Variants in UBAP2L observed in about 807,000 individuals in gnomAD.
UBAP2L encodes ubiquitin associated protein 2 like.
UBAP2L carries 12 observed loss-of-function variants against 130.6 expected under a neutral mutation model. That is an observed-to-expected ratio of 0.09 (90% confidence interval 0.06 to 0.15). UBAP2L has a LOEUF of 0.15. Ranked by LOEUF, UBAP2L falls within the 10% of genes least tolerant of loss-of-function variation. The pLI is 1.00. For missense variants in UBAP2L, 965 were observed against 1,332.5 expected (o/e 0.72, Z 4.29); for synonymous variants, 503 against 524.7 (o/e 0.96, Z 0.57).
At chr1:154,264,946 G>A (rs1222436260) in intron 24 of UBAP2L, among the ~76,000 whole-genome samples, 1 of 152,080 alleles carries the variant, frequency 6.6e-6, no homozygotes, top group African/African-American at 2.4e-5. Context: ...TTTGCCAGAT[G>A]GGCACCTCGG....
At chr1:154,246,535 G>GAC (rs1558173268) in intron 11 of UBAP2L, among the ~76,000 whole-genome samples, 160 bp downstream of exon 11, 7 of 152,102 alleles carry the variant, frequency 4.6e-5, no homozygotes, top group Non-Finnish European at 1.0e-4. Context: ...GGGTAATAGG[G>GAC]GGTAGCTCTA....
At chr1:154,230,459 G>A (rs1669483527) in intron 4 of UBAP2L, among the ~76,000 whole-genome samples, 1 of 152,098 alleles carries the variant, frequency 6.6e-6, no homozygotes. Context: ...GTGTTATCCT[G>A]GATTAAATTT....
chr1:154,255,159 A>T lies in UBAP2L; in HGVS notation c.1917A>T (p.Thr639=), dbSNP rs1384857855. The change falls in exon 17 of 27, where the codon ACA becomes ACT. Residue 639 remains threonine, a synonymous_variant. Transcript: ENST00000428931. ...LQTTQSVEGA[T]GSAVKSDSPS... ...TTTCTTCTAAATTTCTAGGTGCTAC[A>T]GGCTCTGCAGTGAAATCTGATTCAC... 3 of 1,613,972 alleles carry T rather than the reference A, an allele frequency of 1.9e-6. No individual in the cohort carries two copies. Among genetic ancestry groups the T allele is most frequent in the Non-Finnish European group, 1.7e-6 (2 of 1,179,916 alleles).
intron 4 of UBAP2L, among the ~76,000 whole-genome samples, chr1:154,230,441 C>T (rs1161257482): frequency 6.6e-6 from 1 of 152,112 alleles, no homozygotes; most frequent in African/African-American, 2.4e-5. Flanking sequence ...TGGGTTTTTT[C>T]TTCAAAAGTG....
At chr1:154,235,324 G>A (rs779781450) in intron 6 of UBAP2L, 33 bp downstream of exon 6, 8 of 733,624 alleles carry the variant, frequency 1.1e-5, no homozygotes, top group Non-Finnish European at 1.5e-5. Flanking sequence ...GATATTGGGG[G>A]CAGGTTACTC....
chr1:154,220,479 A>T, upstream of UBAP2L: 1 of 1,575,376 alleles, frequency 6.3e-7, no homozygotes, highest in Non-Finnish European at 8.7e-7. Flanking sequence ...GGCTCCGCCG[A>T]AGCGACGGCG....
chr1:154,255,161 G>A lies in UBAP2L; in HGVS notation c.1919G>A (p.Gly640Asp). The change falls in exon 17 of 27, where the codon GGC (glycine) becomes GAC (aspartate). Residue 640 changes from glycine to aspartate, a missense_variant. By Grantham distance (94) the Gly-to-Asp change is moderately conservative (BLOSUM62 -1). Around this residue, in one of 9 missense-constraint regions of UBAP2L, gnomAD observed 393 missense variants for 408.1 expected, o/e 0.96. Coordinates refer to ENST00000428931, the MANE Select transcript of UBAP2L (RefSeq NM_014847.4). ...TCTTCTAAATTTCTAGGTGCTACAGGCTCTGCAGTGAAATCTGATTCACCT... is the reference window on the plus strand; with the variant it reads ...TCTTCTAAATTTCTAGGTGCTACAGACTCTGCAGTGAAATCTGATTCACCT... The part of the protein sequence containing the change: ...QTTQSVEGAT[G>D]SAVKSDSPST... 2 of 1,613,916 alleles carry A rather than the reference G, an allele frequency of 1.2e-6. No homozygotes were observed. The highest frequency in any genetic ancestry group is 1.7e-6 in the Non-Finnish European group (2 of 1,179,932).
At chr1:154,256,264 A>G (rs1679616962) in intron 18 of UBAP2L, among the ~76,000 whole-genome samples, 1 of 152,214 alleles carries the variant, frequency 6.6e-6, no homozygotes, top group South Asian at 2.1e-4. Flanking sequence ...AAAGTATCAG[A>G]TTTGCCGGAA....
At chr1:154,257,759 A>G in intron 20 of UBAP2L, 1 of 341,360 alleles carries the variant, frequency 2.9e-6, no homozygotes, top group Non-Finnish European at 5.5e-6. Flanking sequence ...CAGTTTTGGA[A>G]AAAATACTAA....
intron 1 of UBAP2L, 144 bp downstream of exon 1, chr1:154,221,119 T>C (rs1571519386): frequency 7.8e-6 from 1 of 128,960 alleles, no homozygotes. Context: ...CCGTATCCCC[T>C]CCCTCGGTAG....
intron 12 of UBAP2L, among the ~76,000 whole-genome samples, 192 bp from the exon 13 acceptor site, chr1:154,250,847 CAA>C (rs1023678670): frequency 2.7e-4 from 13 of 48,922 alleles, no homozygotes; most frequent in Admixed American, 6.8e-4. Context: ...ACTCCCATCT[CAA>C]AAAAAAAAAA....
intron 11 of UBAP2L, among the ~76,000 whole-genome samples, chr1:154,248,428 G>T (rs1257828591): frequency 6.6e-6 from 1 of 152,054 alleles, no homozygotes; most frequent in African/African-American, 2.4e-5. Context: ...CCAGTTAATT[G>T]TTGTTTCTTT....
intron 2 of UBAP2L, among the ~76,000 whole-genome samples, chr1:154,225,768 C>G (rs531636893): frequency 6.6e-6 from 1 of 152,294 alleles, no homozygotes; most frequent in East Asian, 1.9e-4. Context: ...CTTACCTGGG[C>G]CATTTTAGCA....
At chr1:154,246,945 A>G (rs1458024628) in intron 11 of UBAP2L, among the ~76,000 whole-genome samples, 1 of 152,216 alleles carries the variant, frequency 6.6e-6, no homozygotes, top group Admixed American at 6.5e-5. Context: ...TATTATAAAT[A>G]ACTTAGAACT....
chr1:154,264,894 C>T (rs1425469293), intron 24 of UBAP2L, among the ~76,000 whole-genome samples: 1 of 152,130 alleles, frequency 6.6e-6, no homozygotes, highest in Non-Finnish European at 1.5e-5. Context: ...TTTTCCATAA[C>T]TGAACTTCCT....
chr1:154,231,300 TTTC>T (rs1669764510), intron 4 of UBAP2L, among the ~76,000 whole-genome samples: 1 of 151,496 alleles, frequency 6.6e-6, no homozygotes, highest in African/African-American at 2.4e-5. Flanking sequence ...TTTTTTTTTT[TTTC>T]TTTTTTCTTT....
At chr1:154,231,201 T>C (rs950216666) in intron 4 of UBAP2L, among the ~76,000 whole-genome samples, 12 of 151,454 alleles carry the variant, frequency 7.9e-5, no homozygotes, top group African/African-American at 2.9e-4. Context: ...GCATGATCAC[T>C]GCAGCCATGG....
At chr1:154,237,864 A>G (rs1191264683) in intron 8 of UBAP2L, among the ~76,000 whole-genome samples, 2 of 152,204 alleles carry the variant, frequency 1.3e-5, no homozygotes, top group African/African-American at 4.8e-5. Flanking sequence ...GTATACACCT[A>G]AGATGTGTTT....
Position 154,270,785 on chromosome 1 carries a change from T to A in UBAP2L, c.*490T>A, listed in dbSNP as rs1684605075. The A allele has an allele frequency of 7.7e-7, 1 of 1,305,830 alleles. No individual in the cohort carries two copies. Among genetic ancestry groups the A allele is most frequent in the Middle Eastern group, 2.2e-4 (1 of 4,460 alleles). 80.9% of individuals were successfully genotyped at this position (1,305,830 alleles called of 1,614,324 possible). A position where few individuals can be genotyped will look rare whatever the true frequency, so the allele number is the denominator to read the frequency against. On this transcript the variant is annotated 3_prime_UTR_variant, in exon 27 of 27. Coordinates refer to ENST00000428931, the MANE Select transcript of UBAP2L (RefSeq NM_014847.4). ...TTTTTTTTTTGTTTTTTTTTTTTTT[T>A]TGTACTGTGTCCTCAAATTTAATGG...
Sources: gnomAD v4.1 joint callset for allele counts (sites outside exome capture counted in the v4.1 genomes callset) on GRCh38, gnomAD v4.1.1 for gene constraint, gnomAD v4.1.1 regional missense constraint, MANE v1.5 for transcripts, NCBI Gene and HGNC (gene_info 2026-07-23, HGNC 2026-07-21) for gene names.